SH2B1: variants seen among roughly 807,000 people sequenced by gnomAD.
The protein encoded by SH2B1 is SH2B adapter protein 1.
Under a neutral mutation model 62.6 loss-of-function variants are expected in SH2B1, and 15 were observed. That is an observed-to-expected ratio of 0.24 (90% confidence interval 0.16 to 0.37). The LOEUF (loss-of-function observed/expected upper bound fraction) is 0.37. SH2B1 is among the 10% of genes least tolerant of loss of function. SH2B1 has a pLI of 1.00. For missense variants in SH2B1, 925 were observed against 1,015.6 expected (o/e 0.91, Z 1.21); for synonymous variants, 443 against 438.0 (o/e 1.01, Z -0.14).
intron 2 of SH2B1, among the ~76,000 whole-genome samples, chr16:28,868,083 C>G (rs1239625326): frequency 6.6e-6 from 1 of 152,232 alleles, no homozygotes; most frequent in African/African-American, 2.4e-5. Flanking sequence ...CACTTGGCCT[C>G]CCAAAGTGTT....
chr16:28,868,920 C>T (rs1001228665), intron 2 of SH2B1, 86 bp from the exon 3 acceptor site: 122 of 1,013,918 alleles, frequency 1.2e-4, no homozygotes, highest in Non-Finnish European at 1.8e-4. Flanking sequence ...TGTTTGTAGA[C>T]AGCCTGCATA....
At chr16:28,853,256 T>C (rs1448904148) in intron 1 of SH2B1, among the ~76,000 whole-genome samples, 2 of 144,992 alleles carry the variant, frequency 1.4e-5, no homozygotes, top group Non-Finnish European at 3.0e-5. Flanking sequence ...CACACACACA[T>C]ACATATATTG....
chr16:28,869,300 T>G lies in SH2B1; in HGVS notation c.1226T>G (p.Leu409Arg), dbSNP rs1295990396. ...AGGGAGAACACAGACAGCCTGGAGC[T>G]GTCCTGCCTGAATCACTCGGAGAGT... ...LTRENTDSLE[L>R]SCLNHSESLP... The change falls in exon 4 of 8, where the codon CTG becomes CGG. Residue 409 changes from leucine (L) to arginine (R), a missense_variant. Transcript: ENST00000684370. The G allele has an allele frequency of 1.2e-6, 2 of 1,614,038 alleles. No individual in the cohort carries two copies. The highest frequency in any genetic ancestry group is 1.7e-6 in the Non-Finnish European group (2 of 1,180,028).
chr16:28,860,080 T>C (rs1264741243), upstream of SH2B1, among the ~76,000 whole-genome samples: 1 of 152,022 alleles, frequency 6.6e-6, no homozygotes, highest in Non-Finnish European at 1.5e-5. Context: ...TCCTCTCTAC[T>C]GATTCCTTTC....
At chr16:28,869,145 G>A in intron 3 of SH2B1, 48 bp downstream of exon 3, 1 of 1,613,536 alleles carries the variant, frequency 6.2e-7, no homozygotes, top group African/African-American at 1.3e-5. Flanking sequence ...TGGGGTTGGG[G>A]AGCAGCCTTG....
chr16:28,855,806 A>ATTTTTTT (rs746171586), intron 1 of SH2B1, among the ~76,000 whole-genome samples: 13 of 102,398 alleles, frequency 1.3e-4, no homozygotes, highest in African/African-American at 4.8e-4. Context: ...CGCCCGGCTA[A>ATTTTTTT]TTTTTTTTTT....
At chr16:28,870,383 G>C (rs1962962232) in intron 4 of SH2B1, among the ~76,000 whole-genome samples, 1 of 152,200 alleles carries the variant, frequency 6.6e-6, no homozygotes, top group Non-Finnish European at 1.5e-5. Flanking sequence ...GGGAAGGTGG[G>C]AGAGACAGGG....
upstream of SH2B1, chr16:28,846,645 A>C (rs1351792921): frequency 7.7e-6 from 2 of 259,232 alleles, no homozygotes; most frequent in Non-Finnish European, 1.5e-5. Context: ...AGGTGATCAG[A>C]GTGGGAGTCA....
In SH2B1 at chr16:28,869,241, C is replaced by T; in HGVS notation, c.1167C>T (p.Thr389=). 6.2e-7 allele frequency: 1 copy of T among 1,614,178 alleles called. No individual in the cohort carries two copies. The highest frequency in any genetic ancestry group is 1.1e-5 in the South Asian group (1 of 91,086). Residue 389 remains threonine, a synonymous_variant, in exon 4 of 8, where the codon ACC becomes ACT. Coordinates refer to ENST00000684370, the MANE Select transcript of SH2B1 (RefSeq NM_001387430.1). ...CTGCTACCAGTCCCCGCCCCATGAC[C>T]CTCCCTCTGGCCCCTGGGACCTCAT... ...PCPATSPRPM[T]LPLAPGTSFL...
Position 28,873,186 on chromosome 16 carries a change from G to T in SH2B1, c.1898-261G>T, listed in dbSNP as rs1257708069. 15 of 1,580,208 alleles carry T rather than the reference G, an allele frequency of 9.5e-6. No individual in the cohort carries two copies. Among genetic ancestry groups the T allele is most frequent in the Non-Finnish European group, 1.1e-5 (13 of 1,169,852 alleles). On this transcript the variant is annotated intron_variant, in intron 7 of 7. Transcript: ENST00000684370. This position sits in a 1 kb window ranked among gnomAD's most constrained non-coding sequence, Gnocchi z 4.2. ...TCCCCCCAGGCCGGGAGCAGGCTGG[G>T]AGCCATGCGGGGGTGTGCGAGGGAG...
intron 1 of SH2B1, among the ~76,000 whole-genome samples, chr16:28,855,813 T>G (rs1962311743): frequency 7.2e-6 from 1 of 139,248 alleles, no homozygotes; most frequent in Admixed American, 7.3e-5. Context: ...CTAATTTTTT[T>G]TTTTTTTTTT....
In SH2B1 at chr16:28,872,878, T is replaced by C. The variant is rs1358333011; in HGVS notation, c.1897+173T>C. The C allele has an allele frequency of 1.3e-6, 1 of 791,384 alleles. No homozygotes were observed. The highest frequency in any genetic ancestry group is 2.1e-6 in the Non-Finnish European group (1 of 482,274). 49.0% of individuals were successfully genotyped at this position (791,384 alleles called of 1,614,324 possible). A position where few individuals can be genotyped will look rare whatever the true frequency, so the allele number is the denominator to read the frequency against. Reference sequence around the variant, plus strand: ...GGGTTTGGAAGGGAAAGAAATGCGCTGATAGGACACAGGAAGGCAGAAGGC... The same window carrying C: ...GGGTTTGGAAGGGAAAGAAATGCGCCGATAGGACACAGGAAGGCAGAAGGC... On this transcript the variant is annotated intron_variant, in intron 7 of 7. Transcript: ENST00000684370. The surrounding 1 kb of genome is among the most constrained non-coding windows in gnomAD (Gnocchi z 5.3).
intron 1 of SH2B1, among the ~76,000 whole-genome samples, chr16:28,849,633 ATAT>A (rs1385565103): frequency 2.6e-5 from 4 of 152,142 alleles, no homozygotes; most frequent in Non-Finnish European, 4.4e-5. Flanking sequence ...TTGGTAGATA[ATAT>A]TATGGATGCA....
upstream of SH2B1, chr16:28,863,624 TG>T: frequency 1.3e-6 from 2 of 1,484,480 alleles, no homozygotes; most frequent in Non-Finnish European, 1.8e-6. Context: ...GACGCTCTGG[TG>T]GGATCCAAGC....
At chr16:28,848,282 C>T (rs1962028514) in intron 1 of SH2B1, among the ~76,000 whole-genome samples, 1 of 151,898 alleles carries the variant, frequency 6.6e-6, no homozygotes, top group Non-Finnish European at 1.5e-5. Context: ...TACTAAAATA[C>T]AAAAAATTAG....
chr16:28,855,980 C>T (rs1387911356), intron 1 of SH2B1, among the ~76,000 whole-genome samples: 1 of 149,638 alleles, frequency 6.7e-6, no homozygotes, highest in African/African-American at 2.4e-5. Flanking sequence ...CTTTTTTACT[C>T]TTAAGAACAA....
Position 28,865,439 on chromosome 16 carries a change from A to T in SH2B1, c.-656A>T, listed in dbSNP as rs923155675. 6 of 985,492 alleles carry T rather than the reference A, an allele frequency of 6.1e-6. No homozygotes were observed. Among genetic ancestry groups the T allele is most frequent in the Admixed American group, 6.2e-5 (1 of 16,260 alleles). 61.0% of individuals were successfully genotyped at this position (985,492 alleles called of 1,614,324 possible). A position where few individuals can be genotyped will look rare whatever the true frequency, so the allele number is the denominator to read the frequency against. ...GTGAGGCAGGCTCTCTAAGGTCTAG[A>T]ATCCCAGCTCCTCTCTAGCCCCCTG... On this transcript the variant is annotated 5_prime_UTR_variant, in exon 1 of 8. Coordinates refer to ENST00000684370, the MANE Select transcript of SH2B1 (RefSeq NM_001387430.1).
chr16:28,872,593 G>A lies in SH2B1; in HGVS notation c.1785G>A (p.Gln595=). Reference sequence around the variant, plus strand: ...GCCGGGTCCAGCACCTGTGGTTCCAGTCCATTTTCGATATGCTCGAGCACT... The same window carrying A: ...GCCGGGTCCAGCACCTGTGGTTCCAATCCATTTTCGATATGCTCGAGCACT... ...GQCRVQHLWF[Q]SIFDMLEHFR... The change falls in exon 7 of 8, where the codon CAG becomes CAA. Residue 595 remains glutamine, a synonymous_variant. Coordinates refer to ENST00000684370, the MANE Select transcript of SH2B1 (RefSeq NM_001387430.1). The surrounding 1 kb of genome is among the most constrained non-coding windows in gnomAD (Gnocchi z 5.3). The A allele has an allele frequency of 6.2e-7, 1 of 1,614,220 alleles. No homozygotes were observed. The highest frequency in any genetic ancestry group is 8.5e-7 in the Non-Finnish European group (1 of 1,180,040).
chr16:28,866,487 C>A lies in SH2B1; in HGVS notation c.393C>A (p.Gly131=), dbSNP rs1596622933. ...CTCGATCATCTGAGGACCTGGCCGG[C>A]CCCCTCCCTTCCTCAGTCTCTTCCT... ...GPSRSSEDLA[G]PLPSSVSSSS... is the part of the protein sequence containing the mutation. Residue 131 remains glycine, a synonymous_variant, in exon 1 of 8, where the codon GGC becomes GGA. Coordinates refer to ENST00000684370, the MANE Select transcript of SH2B1 (RefSeq NM_001387430.1). The surrounding 1 kb of genome is among the most constrained non-coding windows in gnomAD (Gnocchi z 6.3). 1 of 1,614,080 alleles carries A rather than the reference C, an allele frequency of 6.2e-7. No individual in the cohort carries two copies. Among genetic ancestry groups the A allele is most frequent in the Non-Finnish European group, 8.5e-7 (1 of 1,180,018 alleles).
Sources: allele counts gnomAD v4.1 joint callset (sites outside exome capture counted in the v4.1 genomes callset), GRCh38; gene constraint gnomAD v4.1.1; non-coding constraint Gnocchi (gnomAD v3.1); transcripts MANE v1.5; gene names NCBI Gene and HGNC (gene_info 2026-07-23, HGNC 2026-07-21).